Variants in PDSS2 observed in about 807,000 individuals in gnomAD.
PDSS2 encodes the protein all trans-polyprenyl-diphosphate synthase PDSS2.
In PDSS2, 31 loss-of-function variants were observed where a neutral mutation model predicts 44.5. That is an observed-to-expected ratio of 0.70 (90% CI 0.52 to 0.94). The LOEUF (loss-of-function observed/expected upper bound fraction) is 0.94, where lower values mean the gene tolerates loss of function less well. PDSS2 is among the 40% of genes least tolerant of loss of function. PDSS2 has a pLI of 0.00. For synonymous variants in PDSS2, 157 were observed against 180.3 expected (o/e 0.87, Z 1.03); for missense variants, 452 against 482.2 (o/e 0.94, Z 0.59).
At chr6:107,227,023 G>C (rs111796263) in intron 4 of PDSS2, among the ~76,000 whole-genome samples, 2,814 of 145,376 alleles carry the variant, frequency 0.019, 87 homozygotes, top group African/African-American at 0.068. Flanking sequence ...ACAGAGTCTC[G>C]CTCTGTTGCC....
chr6:107,419,684 T>C (rs376749807), intron 1 of PDSS2, among the ~76,000 whole-genome samples: 32 of 152,328 alleles, frequency 2.1e-4, no homozygotes, highest in African/African-American at 7.7e-4. Context: ...ATCAAACTTG[T>C]AAACACACAA....
intron 3 of PDSS2, among the ~76,000 whole-genome samples, chr6:107,272,324 G>A (rs1402371609): frequency 6.6e-6 from 1 of 152,160 alleles, no homozygotes; most frequent in Non-Finnish European, 1.5e-5. Context: ...GGCTTACACT[G>A]AGACTCTCCT....
intron 1 of PDSS2, among the ~76,000 whole-genome samples, chr6:107,405,299 A>G (rs1355918529): frequency 1.3e-5 from 2 of 152,162 alleles, no homozygotes; most frequent in Non-Finnish European, 2.9e-5. Context: ...CTAAACATGG[A>G]AACGAAAGGT....
Position 107,212,295 on chromosome 6 carries a change from C to A in PDSS2, c.703-13G>T. On this transcript the variant is annotated splice_polypyrimidine_tract_variant and intron_variant, in intron 4 of 7. Transcript: ENST00000369037. The stretch of plus-strand genomic sequence containing the variant: ...TGATATAACTTTCCTAAAAATGTAA[C>A]AAAAGCCAAGATAAAAAAGACTTTA... 1.2e-6 allele frequency: 2 copies of A among 1,602,510 alleles called. No individual in the cohort carries two copies. Among genetic ancestry groups the A allele is most frequent in the Non-Finnish European group, 1.7e-6 (2 of 1,172,234 alleles).
At chr6:107,224,408 T>C (rs1026052673) in intron 4 of PDSS2, among the ~76,000 whole-genome samples, 3 of 151,166 alleles carry the variant, frequency 2.0e-5, no homozygotes. Context: ...GAAGTGGGAG[T>C]TGTTTCCTCT....
chr6:107,334,135 C>A (rs558082534), intron 2 of PDSS2, 63 bp downstream of exon 2: 26 of 1,359,672 alleles, frequency 1.9e-5, no homozygotes, highest in Middle Eastern at 1.9e-4. Flanking sequence ...TTTCCACTGA[C>A]CTCTGTCCAG....
chr6:107,442,109 C>G (rs1781526737), intron 1 of PDSS2, among the ~76,000 whole-genome samples: 1 of 152,098 alleles, frequency 6.6e-6, no homozygotes, highest in Non-Finnish European at 1.5e-5. Flanking sequence ...CTCCTCCTTG[C>G]CTAAGTAATC....
At chr6:107,416,255 A>T (rs1222401444) in intron 1 of PDSS2, among the ~76,000 whole-genome samples, 1 of 152,148 alleles carries the variant, frequency 6.6e-6, no homozygotes, top group African/African-American at 2.4e-5. Flanking sequence ...AACTTACAGC[A>T]GGCACGATGG....
rs1770757086 is a variant in PDSS2 at position 107,152,808 on chromosome 6, C to A, written c.*1811G>T. The A allele has an allele frequency of 6.6e-6, 1 of 152,204 alleles. No individual in the cohort carries two copies. Among genetic ancestry groups the A allele is most frequent in the Non-Finnish European group, 1.5e-5 (1 of 68,036 alleles). The allele number at this position is 152,204 out of a possible 1,614,324, so 9.4% of individuals were successfully genotyped here. ...CTGAAGTTCCTGCACATCCAACCAGCACACCTAACGCAAAGTATGACTTCT... is the reference window on the plus strand; with the variant it reads ...CTGAAGTTCCTGCACATCCAACCAGAACACCTAACGCAAAGTATGACTTCT... On this transcript the variant is annotated 3_prime_UTR_variant, in exon 8 of 8. Coordinates refer to ENST00000369037, the MANE Select transcript of PDSS2 (RefSeq NM_020381.4).
rs1162845035 is a variant in PDSS2 at position 107,356,301 on chromosome 6, G to A, written c.297-21969C>T. On this transcript the variant is annotated intron_variant, in intron 1 of 7. Transcript: ENST00000369037. ...AATAAATGCTTTCTGGGTTTCCAGT[G>A]TACTTAGACATTCTGAAGAACGGAC... Among the ~76,000 whole-genome samples, 5 of 152,176 alleles carry A rather than the reference G, an allele frequency of 3.3e-5. No individual in the cohort carries two copies. In the East Asian group the frequency reaches 9.6e-4, roughly 29 times the overall value.
intron 1 of PDSS2, among the ~76,000 whole-genome samples, chr6:107,426,364 G>C (rs1781003795): frequency 6.6e-6 from 1 of 152,246 alleles, no homozygotes; most frequent in South Asian, 2.1e-4. Flanking sequence ...CTAGATTTCA[G>C]AGGATGTATG....
intron 7 of PDSS2, among the ~76,000 whole-genome samples, chr6:107,175,617 A>C (rs1304798693): frequency 1.3e-5 from 2 of 152,224 alleles, no homozygotes; most frequent in Admixed American, 6.5e-5. Flanking sequence ...ATTTATAGAG[A>C]TTGCAGAAAA....
chr6:107,381,395 G>C lies in PDSS2; in HGVS notation c.297-47063C>G, dbSNP rs73513158. Among the ~76,000 whole-genome samples the C allele has an allele frequency of 6.3e-3, 954 of 152,194 alleles. 7 individuals are homozygous for C. The highest frequency in any genetic ancestry group is 0.022 in the African/African-American group (932 of 41,522). ...ATTTCTTCATGGCAACAGAAAACTG[G>C]CTCATCCTCTTGGTCATTTTGGAAA... On this transcript the variant is annotated intron_variant, in intron 1 of 7. Coordinates refer to ENST00000369037, the MANE Select transcript of PDSS2 (RefSeq NM_020381.4).
At chr6:107,290,563 C>G (rs1776310279) in intron 2 of PDSS2, among the ~76,000 whole-genome samples, 1 of 152,046 alleles carries the variant, frequency 6.6e-6, no homozygotes, top group South Asian at 2.1e-4. Flanking sequence ...CTTTGCTTTT[C>G]CCCCTCATTC....
At chr6:107,208,123 A>T (rs1024654796) in intron 6 of PDSS2, among the ~76,000 whole-genome samples, 1 of 149,666 alleles carries the variant, frequency 6.7e-6, no homozygotes, top group Non-Finnish European at 1.5e-5. Flanking sequence ...AGTAGCTGGG[A>T]TTAGAGACAT....
At chr6:107,257,639 CCT>C (rs1292388532) in intron 3 of PDSS2, among the ~76,000 whole-genome samples, 25 of 151,414 alleles carry the variant, frequency 1.7e-4, no homozygotes, top group Non-Finnish European at 2.9e-5. Flanking sequence ...TTTTTCTTCC[CCT>C]GAGACAGGAT....
intron 3 of PDSS2, among the ~76,000 whole-genome samples, chr6:107,266,371 G>A (rs1457802497): frequency 6.7e-6 from 1 of 150,192 alleles, no homozygotes; most frequent in East Asian, 1.9e-4. Context: ...TTCACAAAAA[G>A]TGAACCCCTG....
chr6:107,204,009 C>T (rs1186039835), intron 6 of PDSS2, among the ~76,000 whole-genome samples: 1 of 150,774 alleles, frequency 6.6e-6, no homozygotes, highest in Admixed American at 6.6e-5. Context: ...GTAGCATGAT[C>T]GAGGCTCACT....
intron 4 of PDSS2, among the ~76,000 whole-genome samples, chr6:107,228,251 C>T (rs567776178): frequency 6.6e-6 from 1 of 152,276 alleles, no homozygotes; most frequent in East Asian, 1.9e-4. Flanking sequence ...ACATACTAAG[C>T]TTTCTTAGTC....
Sources: gnomAD v4.1 joint callset for allele counts (sites outside exome capture counted in the v4.1 genomes callset) on GRCh38, gnomAD v4.1.1 for gene constraint, MANE v1.5 for transcripts, NCBI Gene and HGNC (gene_info 2026-07-23, HGNC 2026-07-21) for gene names.